The following UNC13C variants were observed in gnomAD, a reference collection of about 807,000 sequenced individuals.
UNC13C encodes the protein protein unc-13 homolog C.
A neutral mutation model predicts 245.4 loss-of-function variants in UNC13C; 174 were observed. That is an observed-to-expected ratio of 0.71 (90% CI 0.63 to 0.80). UNC13C has a LOEUF of 0.80. Among genes scored for constraint, UNC13C ranks in the 30% least tolerant of loss-of-function variants. The probability of loss-of-function intolerance (pLI) is 0.00; values close to 1 mark genes in which losing one functional copy is unlikely to be tolerated. For missense variants in UNC13C, 2,829 were observed against 2,602.9 expected, an observed-to-expected ratio of 1.09 and a Z score of -1.89; for synonymous variants, 992 against 895.1, an observed-to-expected ratio of 1.11 and a Z score of -1.93.
At chr15:54,533,363 C>G (rs973770391) in intron 26 of UNC13C, among the ~76,000 whole-genome samples, 8 of 152,126 alleles carry the variant, frequency 5.3e-5, no homozygotes, top group Non-Finnish European at 1.0e-4. Context: ...ACTTCATGTT[C>G]CTTGGATACC....
intron 19 of UNC13C, among the ~76,000 whole-genome samples, chr15:54,417,684 A>G (rs1049320880): frequency 6.6e-6 from 1 of 152,126 alleles, no homozygotes; most frequent in Non-Finnish European, 1.5e-5. Flanking sequence ...ATTTTCAATT[A>G]TATGAGATTA....
At chr15:53,894,128 C>T in the UNC13C span, among the ~76,000 whole-genome samples, 8 of 152,150 alleles carry the variant, frequency 5.3e-5, no homozygotes, top group Non-Finnish European at 7.3e-5. Context: ...CCAGGTGAGG[C>T]GACACCCCAC....
chr15:54,455,205 C>CTCTCTCTCTCTATATATA (rs1388065398), intron 19 of UNC13C, among the ~76,000 whole-genome samples: 11 of 18,958 alleles, frequency 5.8e-4, no homozygotes, highest in Non-Finnish European at 9.2e-4. Flanking sequence ...CTCTCTCTCT[C>CTCTCTCTCTCTATATATA]TATATATATA....
intron 4 of UNC13C, among the ~76,000 whole-genome samples, chr15:54,183,151 T>C (rs1381189077): frequency 1.3e-5 from 2 of 151,730 alleles, no homozygotes; most frequent in Admixed American, 6.6e-5. Flanking sequence ...AAAGCAGAGA[T>C]GGGAAAATGA....
At chr15:53,935,710 C>T in the UNC13C span, among the ~76,000 whole-genome samples, 1 of 152,150 alleles carries the variant, frequency 6.6e-6, no homozygotes, top group African/African-American at 2.4e-5. Context: ...CTAAGAACAG[C>T]TTGGAGCCAG....
intron 4 of UNC13C, among the ~76,000 whole-genome samples, chr15:54,157,467 T>A (rs2032797517): frequency 6.6e-6 from 1 of 152,178 alleles, no homozygotes; most frequent in Admixed American, 6.5e-5. Flanking sequence ...AATAATACAT[T>A]ATTAAAAGGT....
chr15:54,484,779 G>C (rs935115308), intron 19 of UNC13C, among the ~76,000 whole-genome samples: 2 of 152,062 alleles, frequency 1.3e-5, no homozygotes, highest in Non-Finnish European at 2.9e-5. Flanking sequence ...GTAAATCATT[G>C]ATAGAAATCA....
At chr15:54,394,162 T>C (rs1446981124) in intron 18 of UNC13C, among the ~76,000 whole-genome samples, 2 of 151,896 alleles carry the variant, frequency 1.3e-5, no homozygotes, top group Non-Finnish European at 2.9e-5. Flanking sequence ...AAAATTCCAG[T>C]TAAAGAAGAA....
At chr15:54,083,303 A>G (rs964051268) in intron 2 of UNC13C, among the ~76,000 whole-genome samples, 3 of 152,030 alleles carry the variant, frequency 2.0e-5, no homozygotes, top group African/African-American at 7.3e-5. Flanking sequence ...GGATGTGGCT[A>G]TGGCCCTCTG....
At chr15:54,336,284 TA>T (rs1315694441) in intron 16 of UNC13C, among the ~76,000 whole-genome samples, 1 of 152,066 alleles carries the variant, frequency 6.6e-6, no homozygotes. Context: ...AAAGTTATCA[TA>T]TTTGTGAGGA....
chr15:53,965,445 T>C, the UNC13C span, among the ~76,000 whole-genome samples: 1 of 152,050 alleles, frequency 6.6e-6, no homozygotes, highest in Admixed American at 6.6e-5. Flanking sequence ...TTTACAATTA[T>C]CTCACAAAGA....
At chr15:54,572,286 G>T (rs1298900698) in intron 30 of UNC13C, among the ~76,000 whole-genome samples, 2 of 151,732 alleles carry the variant, frequency 1.3e-5, no homozygotes, top group Non-Finnish European at 2.9e-5. Context: ...TCTTAATTTA[G>T]AAATACAGAA....
intron 1 of UNC13C, among the ~76,000 whole-genome samples, chr15:54,009,375 A>G (rs1038477144): frequency 1.3e-5 from 2 of 152,148 alleles, no homozygotes; most frequent in African/African-American, 4.8e-5. Context: ...TCTTCTCAGC[A>G]CTAGTAATTA....
chr15:54,208,763 T>A (rs1012561899), intron 4 of UNC13C, among the ~76,000 whole-genome samples: 4 of 152,090 alleles, frequency 2.6e-5, no homozygotes, highest in Non-Finnish European at 5.9e-5. Flanking sequence ...GATGAGTTTT[T>A]AAAAATCTTA....
At chr15:54,563,375 A>C (rs1182568155) in intron 29 of UNC13C, among the ~76,000 whole-genome samples, 1 of 152,044 alleles carries the variant, frequency 6.6e-6, no homozygotes, top group African/African-American at 2.4e-5. Context: ...CAACTCCTCC[A>C]TAGTCCTTCA....
intron 4 of UNC13C, among the ~76,000 whole-genome samples, chr15:54,205,722 T>A (rs1432287348): frequency 6.6e-6 from 1 of 152,046 alleles, no homozygotes; most frequent in South Asian, 2.1e-4. Context: ...GCTTCTCTAC[T>A]TTTTGCAGAA....
At chr15:54,097,264 C>G (rs906891469) in intron 2 of UNC13C, among the ~76,000 whole-genome samples, 16 of 152,160 alleles carry the variant, frequency 1.1e-4, no homozygotes, top group African/African-American at 3.9e-4. Context: ...GTGTCCATCT[C>G]TCCTTCAAAA....
At chr15:54,460,239 T>A (rs1596414699) in intron 19 of UNC13C, among the ~76,000 whole-genome samples, 1 of 152,250 alleles carries the variant, frequency 6.6e-6, no homozygotes, top group East Asian at 1.9e-4. Flanking sequence ...TCCTGTGATG[T>A]GATCCATCTT....
chr15:54,319,372 TAAA>T, intron 13 of UNC13C, among the ~76,000 whole-genome samples: 1 of 151,880 alleles, frequency 6.6e-6, no homozygotes, highest in Middle Eastern at 3.4e-3. Context: ...TTTTGTTAAA[TAAA>T]TAATATTGTT....
Sources: gnomAD v4.1 joint callset for allele counts (sites outside exome capture counted in the v4.1 genomes callset) on GRCh38, gnomAD v4.1.1 for gene constraint, MANE v1.5 for transcripts, NCBI Gene and HGNC (gene_info 2026-07-23, HGNC 2026-07-21) for gene names.